The following ABCC1 variants were observed in gnomAD, a reference collection of about 807,000 sequenced individuals.
The protein encoded by ABCC1 is multidrug resistance-associated protein 1.
In ABCC1, 83 loss-of-function variants were observed where a neutral mutation model predicts 172.9. That is an observed-to-expected ratio of 0.48 (90% confidence interval 0.40 to 0.58). The LOEUF (loss-of-function observed/expected upper bound fraction) is 0.58, where lower values mean the gene tolerates loss of function less well. Among genes scored for constraint, ABCC1 ranks in the 20% least tolerant of loss-of-function variants. The probability of loss-of-function intolerance (pLI) is 0.00; values close to 1 mark genes in which losing one functional copy is unlikely to be tolerated. For missense variants in ABCC1, 1,817 were observed against 2,002.7 expected, an observed-to-expected ratio of 0.91 and a Z score of 1.77; for synonymous variants, 937 against 825.2, an observed-to-expected ratio of 1.14 and a Z score of -2.32.
chr16:15,956,975 C>T (rs967748554), intron 1 of ABCC1, among the ~76,000 whole-genome samples: 4 of 152,042 alleles, frequency 2.6e-5, no homozygotes, highest in South Asian at 2.1e-4. Flanking sequence ...TGGGCGGTGT[C>T]GAAACTTCTT....
chr16:16,011,873 T>G (rs549162643), intron 3 of ABCC1, among the ~76,000 whole-genome samples: 7 of 152,000 alleles, frequency 4.6e-5, no homozygotes, highest in Admixed American at 4.6e-4. Flanking sequence ...TTCACCATGT[T>G]GGCCAGGCTG....
At chr16:16,107,811 G>T (rs553359500) in intron 21 of ABCC1, among the ~76,000 whole-genome samples, 8 of 151,560 alleles carry the variant, frequency 5.3e-5, no homozygotes, top group African/African-American at 1.2e-4. Context: ...AAAAATAAAT[G>T]TGGTTTTTTT....
At chr16:16,054,542 A>G (rs1468815048) in intron 11 of ABCC1, among the ~76,000 whole-genome samples, 1 of 151,544 alleles carries the variant, frequency 6.6e-6, no homozygotes, top group Non-Finnish European at 1.5e-5. Context: ...TGACGATACC[A>G]CAGGGAGATG....
rs1050203892 is a variant in ABCC1, at chr16:16,015,242, C to T, written c.489+614C>T. 1.1e-4 allele frequency among the ~76,000 whole-genome samples: 17 copies of T among 151,132 alleles called. 1 individual carries two copies. Among genetic ancestry groups the T allele is most frequent in the Non-Finnish European group, 1.9e-4 (13 of 67,942 alleles). On this transcript the variant is annotated intron_variant, in intron 4 of 30. Coordinates refer to ENST00000399410, the MANE Select transcript of ABCC1 (RefSeq NM_004996.4). ...GTAACTTCTACCTCCTATGTTCAAGCGATTCTCCTGCCTCAGCCTCCCCAG... is the reference window on the plus strand; with the variant it reads ...GTAACTTCTACCTCCTATGTTCAAGTGATTCTCCTGCCTCAGCCTCCCCAG...
intron 3 of ABCC1, among the ~76,000 whole-genome samples, chr16:16,013,068 C>T (rs1440193204): frequency 6.6e-6 from 1 of 152,092 alleles, no homozygotes; most frequent in African/African-American, 2.4e-5. Flanking sequence ...GCTTTTGACT[C>T]CTCAGGGGAC....
At chr16:16,058,826 A>G (rs960937614) in intron 12 of ABCC1, among the ~76,000 whole-genome samples, 1 of 151,992 alleles carries the variant, frequency 6.6e-6, no homozygotes, top group Non-Finnish European at 1.5e-5. Context: ...AATTTTTAAA[A>G]TATCTTTAGT....
intron 1 of ABCC1, among the ~76,000 whole-genome samples, chr16:16,004,123 G>A (rs2047429283): frequency 6.6e-6 from 1 of 152,030 alleles, no homozygotes; most frequent in African/African-American, 2.4e-5. Context: ...ATGATAGGGA[G>A]GACTGGCTGT....
intron 16 of ABCC1, 104 bp from the exon 17 acceptor site, chr16:16,083,262 C>T: frequency 8.7e-7 from 1 of 1,143,264 alleles, no homozygotes; most frequent in Middle Eastern, 3.0e-4. Context: ...ATGAAAATGA[C>T]TTGTGAAGTG....
At chr16:16,140,677 G>A (rs763103770) in intron 30 of ABCC1, among the ~76,000 whole-genome samples, 7 of 152,302 alleles carry the variant, frequency 4.6e-5, no homozygotes, top group East Asian at 1.9e-4. Flanking sequence ...GGCCCCCTGC[G>A]TGTTTTTATG....
At chr16:16,045,779 C>A in intron 8 of ABCC1, 57 bp from the exon 9 acceptor site, 1 of 1,561,924 alleles carries the variant, frequency 6.4e-7, no homozygotes. Flanking sequence ...CTGAAGCTCT[C>A]TTCCCTGCCC....
intron 14 of ABCC1, among the ~76,000 whole-genome samples, chr16:16,072,285 A>G (rs964938856): frequency 6.6e-6 from 1 of 150,628 alleles, no homozygotes; most frequent in Non-Finnish European, 1.5e-5. Flanking sequence ...GGCTCAGGTG[A>G]TCCTCTGACC....
intron 1 of ABCC1, among the ~76,000 whole-genome samples, chr16:16,003,215 G>A (rs1422745481): frequency 6.7e-6 from 1 of 148,846 alleles, no homozygotes; most frequent in Non-Finnish European, 1.5e-5. Flanking sequence ...ATGAATTGGT[G>A]GATGGGTAGG....
At chr16:15,968,904 T>TC (rs11410221) in intron 1 of ABCC1, among the ~76,000 whole-genome samples, 5,016 of 151,888 alleles carry the variant, frequency 0.033, 280 homozygotes, top group African/African-American at 0.11. Flanking sequence ...TTTTCTTTTT[T>TC]TTTTTTGTAT....
At chr16:16,130,795 CTT>C (rs1254623446) in intron 26 of ABCC1, among the ~76,000 whole-genome samples, 1 of 152,112 alleles carries the variant, frequency 6.6e-6, no homozygotes, top group Non-Finnish European at 1.5e-5. Flanking sequence ...ATCAGAAAAA[CTT>C]TTTAAAAGTT....
At chr16:15,974,364 C>T (rs1245545677) in intron 1 of ABCC1, among the ~76,000 whole-genome samples, 1 of 145,172 alleles carries the variant, frequency 6.9e-6, no homozygotes, top group East Asian at 2.0e-4. Flanking sequence ...CTGGCCTGGT[C>T]AGGTAGCTTG....
At chr16:16,022,379 C>T (rs1947105690) in intron 5 of ABCC1, among the ~76,000 whole-genome samples, 1 of 152,136 alleles carries the variant, frequency 6.6e-6, no homozygotes, top group South Asian at 2.1e-4. Flanking sequence ...ACTGCCAGAG[C>T]TCCGGCCGGT....
Position 16,122,033 on chromosome 16 carries a change from C to T in ABCC1, c.3449C>T (p.Pro1150Leu), listed in dbSNP as rs1162408238. 3.7e-6 allele frequency: 6 copies of T among 1,614,196 alleles called. No homozygotes were observed. Among genetic ancestry groups the T allele is most frequent in the Non-Finnish European group, 5.1e-6 (6 of 1,180,038 alleles). ...LKRLESVSRSPVYSHFNETLL... is the reference protein window; with the variant it reads ...LKRLESVSRSLVYSHFNETLL... ...CGCCTCGAGTCGGTCAGCCGCTCCC[C>T]GGTCTATTCCCATTTCAACGAGACC... Residue 1150 changes from proline (P) to leucine (L), a missense_variant, in exon 24 of 31, where the codon CCG becomes CTG. This residue lies in a region of ABCC1 where 1,412 missense variants were observed against 1,600.3 expected (regional missense o/e 0.88). Coordinates refer to ENST00000399410, the MANE Select transcript of ABCC1 (RefSeq NM_004996.4).
chr16:16,089,553 GA>G lies in ABCC1; in HGVS notation c.2461-840del, dbSNP rs374814319. Among the ~76,000 whole-genome samples, 1,144 of 128,314 alleles carry G rather than the reference GA, an allele frequency of 8.9e-3. 17 individuals carry two copies. Among genetic ancestry groups the G allele is most frequent in the East Asian group, 0.038 (168 of 4,426 alleles). The allele number at this position is 128,314 out of a possible 152,430, so 84.2% of individuals were successfully genotyped here. On this transcript the variant is annotated intron_variant, in intron 18 of 30. Transcript: ENST00000399410. ...ACAGAGCGAGACCCTATCTCAAAAAGAAAAAAAAAAAAGAAGAAAAAAATTA... is the reference window on the plus strand; with the variant it reads ...ACAGAGCGAGACCCTATCTCAAAAAGAAAAAAAAAAAGAAGAAAAAAATTA...
At position 16,069,157 on chromosome 16, in the gene ABCC1, T is replaced by A. The variant is rs866329666; in HGVS notation, c.1824+855T>A. ...ACCCTGTATGTAAAAAAAAATAAAA[T>A]AAAATAAAATAAAAATAAATAAATA... is the stretch of plus-strand genomic sequence containing the variant. On this transcript the variant is annotated intron_variant, in intron 13 of 30. Coordinates refer to ENST00000399410, the MANE Select transcript of ABCC1 (RefSeq NM_004996.4). 4.3e-3 allele frequency among the ~76,000 whole-genome samples: 570 copies of A among 133,098 alleles called. 3 individuals carry two copies. Among genetic ancestry groups the A allele is most frequent in the East Asian group, 0.013 (62 of 4,690 alleles). The allele number at this position is 133,098 out of a possible 152,430, so 87.3% of individuals were successfully genotyped here. A position where few individuals can be genotyped will look rare whatever the true frequency, so the allele number is the denominator to read the frequency against.
Sources: gnomAD v4.1 joint callset for allele counts (sites outside exome capture counted in the v4.1 genomes callset) on GRCh38, gnomAD v4.1.1 for gene constraint, gnomAD v4.1.1 regional missense constraint, MANE v1.5 for transcripts, NCBI Gene and HGNC (gene_info 2026-07-23, HGNC 2026-07-21) for gene names.